The following TNRC6C variants were observed in gnomAD, a reference collection of about 807,000 sequenced individuals.
TNRC6C encodes the protein trinucleotide repeat containing adaptor 6C, also known as trinucleotide repeat-containing gene 6C protein.
Under a neutral mutation model 153.7 loss-of-function variants are expected in TNRC6C, and 20 were observed. The observed-to-expected ratio is 0.13, with a 90% confidence interval of 0.09 to 0.19. The LOEUF (loss-of-function observed/expected upper bound fraction) is 0.19, where lower values mean the gene tolerates loss of function less well. Ranked by LOEUF, TNRC6C falls within the 10% of genes least tolerant of loss-of-function variation. The pLI is 1.00. For missense variants in TNRC6C, 1,987 were observed against 2,172.0 expected (o/e 0.91, Z 1.69); for synonymous variants, 811 against 841.4 (o/e 0.96, Z 0.63).
chr17:78,083,700 A>G (rs1445534571), intron 11 of TNRC6C, among the ~76,000 whole-genome samples: 1 of 152,248 alleles, frequency 6.6e-6, no homozygotes. Flanking sequence ...TTGCTTTATT[A>G]CATATAGTAG....
At chr17:78,043,947 T>A (rs1235378544) in intron 2 of TNRC6C, among the ~76,000 whole-genome samples, 1 of 152,218 alleles carries the variant, frequency 6.6e-6, no homozygotes, top group East Asian at 1.9e-4. Flanking sequence ...CTGCCATATT[T>A]TCTTTATTCA....
At chr17:78,006,519 C>G (rs1419318665) in intron 1 of TNRC6C, among the ~76,000 whole-genome samples, 1 of 136,318 alleles carries the variant, frequency 7.3e-6, no homozygotes, top group Non-Finnish European at 1.5e-5. Context: ...TCTTCTTCTT[C>G]TTCTTCTTCT....
At chr17:77,972,413 G>C (rs1207745717) in intron 1 of TNRC6C, among the ~76,000 whole-genome samples, 3 of 152,064 alleles carry the variant, frequency 2.0e-5, no homozygotes, top group Non-Finnish European at 4.4e-5. Flanking sequence ...TCTGGAGGCT[G>C]AGGCAGGAGA....
Position 78,077,346 on chromosome 17 carries a change from T to C in TNRC6C, c.3210+12T>C, listed in dbSNP as rs749218258. The C allele has an allele frequency of 6.7e-5, 105 of 1,566,502 alleles. No homozygotes were observed. Among genetic ancestry groups the C allele is most frequent in the Non-Finnish European group, 8.7e-5 (101 of 1,155,068 alleles). On this transcript the variant is annotated intron_variant, in intron 9 of 19. Coordinates refer to ENST00000301624, the Ensembl canonical transcript of TNRC6C. ...ATTCTTCTAGACAGGTAAGGCTGTT[T>C]GGAGAGAGCAAAACATGGCCTTTGT...
Position 78,104,825 on chromosome 17 carries a change from C to G in TNRC6C, c.5053C>G (p.Leu1685Val). Residue 1685 changes from leucine (L) to valine (V), a missense_variant, in exon 20 of 20, where the codon CTC becomes GTC. Transcript: ENST00000301624. The surrounding 1 kb of genome is among the most constrained non-coding windows in gnomAD (Gnocchi z 6.2). ...AACCACCCTGCTGCCTGGGGACCTG[C>G]TCAGCGGGGAGTCCCTGTAGGCTCT... 7.0e-7 allele frequency: 1 copy of G among 1,437,450 alleles called. No individual in the cohort carries two copies. The highest frequency in any genetic ancestry group is 9.1e-7 in the Non-Finnish European group (1 of 1,097,368). The allele number at this position is 1,437,450 out of a possible 1,614,324, so 89.0% of individuals were successfully genotyped here.
chr17:78,009,189 C>T (rs561911877), intron 1 of TNRC6C, among the ~76,000 whole-genome samples: 1 of 152,196 alleles, frequency 6.6e-6, no homozygotes, highest in East Asian at 1.9e-4. Context: ...TAACTGGGGT[C>T]CAAGTGTCAC....
At chr17:77,985,539 TTGCAG>T (rs1221845173) in intron 1 of TNRC6C, among the ~76,000 whole-genome samples, 1 of 150,634 alleles carries the variant, frequency 6.6e-6, no homozygotes, top group Admixed American at 6.6e-5. Flanking sequence ...GAGGCAGAGG[TTGCAG>T]TGAGCCGAGA....
chr17:78,058,333 C>T (rs997868360), intron 3 of TNRC6C, among the ~76,000 whole-genome samples: 3 of 152,170 alleles, frequency 2.0e-5, no homozygotes, highest in Non-Finnish European at 2.9e-5. Flanking sequence ...ATGATTACCT[C>T]GCATACTCAG....
chr17:77,975,064 A>C (rs901969471), intron 1 of TNRC6C, among the ~76,000 whole-genome samples: 2 of 152,246 alleles, frequency 1.3e-5, no homozygotes, highest in Non-Finnish European at 2.9e-5. Flanking sequence ...AAACTTAAAT[A>C]TGATACTGAG....
At chr17:77,960,170 C>T (rs916128130) in intron 1 of TNRC6C, among the ~76,000 whole-genome samples, 12 of 152,260 alleles carry the variant, frequency 7.9e-5, no homozygotes, top group African/African-American at 2.9e-4. Flanking sequence ...CAAACCTTTG[C>T]CTCCGCCAAA....
chr17:78,106,780 A>AT (rs1009670584), exon 20 of TNRC6C: 4 of 151,942 alleles, frequency 2.6e-5, no homozygotes, highest in South Asian at 2.1e-4. Context: ...TGTTTTAAAA[A>AT]ATATATATAT....
intron 2 of TNRC6C, among the ~76,000 whole-genome samples, chr17:78,042,163 TTA>T (rs1191586177): frequency 7.9e-5 from 12 of 152,230 alleles, no homozygotes; most frequent in Non-Finnish European, 1.8e-4. Context: ...GCTTAGATTT[TTA>T]TAGACACCTA....
chr17:78,080,376 G>A (rs377643255), intron 10 of TNRC6C, among the ~76,000 whole-genome samples: 1 of 152,154 alleles, frequency 6.6e-6, no homozygotes, highest in Non-Finnish European at 1.5e-5. Context: ...ACCCGGGGAG[G>A]TGGAGATTGC....
At position 78,082,675 on chromosome 17, in the gene TNRC6C, A is replaced by G. The variant is rs146907574; in HGVS notation, c.3358-372A>G. Among the ~76,000 whole-genome samples the G allele has an allele frequency of 1.3e-3, 194 of 151,992 alleles. 3 individuals carry two copies. The highest frequency in any genetic ancestry group is 6.8e-3 in the Middle Eastern group (2 of 294). ...ATGAACAGGCGCCCCTCATGCATCC[A>G]TTTATAGGCTCTCCCCAAGGGTCGC... On this transcript the variant is annotated intron_variant, in intron 10 of 19. Coordinates refer to ENST00000301624, the Ensembl canonical transcript of TNRC6C.
intron 5 of TNRC6C, among the ~76,000 whole-genome samples, chr17:78,070,409 TG>T (rs1300963097): frequency 6.6e-6 from 1 of 152,198 alleles, no homozygotes; most frequent in African/African-American, 2.4e-5. Flanking sequence ...TTTTTCATAT[TG>T]TAATAATGCA....
chr17:78,040,437 AGT>A (rs1461975042), intron 2 of TNRC6C, among the ~76,000 whole-genome samples: 16 of 152,222 alleles, frequency 1.1e-4, no homozygotes, highest in Admixed American at 9.2e-4. Flanking sequence ...AATATACGGC[AGT>A]GTTTGCTACT....
chr17:77,972,643 A>G (rs987592496), intron 1 of TNRC6C, among the ~76,000 whole-genome samples: 1 of 152,220 alleles, frequency 6.6e-6, no homozygotes, highest in Non-Finnish European at 1.5e-5. Context: ...GAATAGACAA[A>G]TTAACAAAAA....
chr17:77,986,648 C>T (rs188481767), intron 1 of TNRC6C, among the ~76,000 whole-genome samples: 8 of 151,946 alleles, frequency 5.3e-5, no homozygotes, highest in Admixed American at 5.2e-4. Flanking sequence ...TGAAAGGAAC[C>T]TAGTGGTAGC....
At chr17:78,036,613 C>T (rs1010647231) in intron 2 of TNRC6C, among the ~76,000 whole-genome samples, 11 of 152,076 alleles carry the variant, frequency 7.2e-5, no homozygotes, top group South Asian at 2.1e-4. Flanking sequence ...TACAAGGCAA[C>T]GGGCGAAATT....
Sources: allele counts gnomAD v4.1 joint callset (sites outside exome capture counted in the v4.1 genomes callset), GRCh38; gene constraint gnomAD v4.1.1; non-coding constraint Gnocchi (gnomAD v3.1); transcripts MANE v1.5; gene names NCBI Gene and HGNC (gene_info 2026-07-23, HGNC 2026-07-21).